Variants in ALOX5 observed in about 807,000 individuals in gnomAD.
The protein encoded by ALOX5 is arachidonate 5-lipoxygenase, also known as polyunsaturated fatty acid 5-lipoxygenase.
Under a neutral mutation model 87.9 loss-of-function variants are expected in ALOX5, and 64 were observed. The ratio of observed to expected loss-of-function variants is 0.73; its 90% CI spans 0.60 to 0.90. The LOEUF (loss-of-function observed/expected upper bound fraction) is 0.90. ALOX5 is among the 40% of genes least tolerant of loss of function. The pLI is 0.00. For missense variants in ALOX5, 822 were observed against 907.5 expected (o/e 0.91, Z 1.21); for synonymous variants, 388 against 355.1 (o/e 1.09, Z -1.04).
At chr10:45,427,475 G>C (rs1339413474) in intron 6 of ALOX5, among the ~76,000 whole-genome samples, 1 of 152,242 alleles carries the variant, frequency 6.6e-6, no homozygotes, top group African/African-American at 2.4e-5. Context: ...ACATAAAGGA[G>C]GAGGGCGGTG....
At chr10:45,389,959 C>G (rs185520021) in intron 2 of ALOX5, among the ~76,000 whole-genome samples, 4 of 152,144 alleles carry the variant, frequency 2.6e-5, no homozygotes, top group African/African-American at 9.7e-5. Flanking sequence ...ATCTCATGTG[C>G]GGAGACACAC....
Position 45,391,235 on chromosome 10 carries a change from G to A in ALOX5, c.350-4620G>A, listed in dbSNP as rs1840233892. Among the ~76,000 whole-genome samples, 4 of 152,198 alleles carry A rather than the reference G, an allele frequency of 2.6e-5. 1 individual carries two copies. The South Asian group carries it at 8.3e-4, about 32-fold the overall frequency. On this transcript the variant is annotated intron_variant, in intron 2 of 13. Coordinates refer to ENST00000374391, the MANE Select transcript of ALOX5 (RefSeq NM_000698.5). ...AGCCTGCCGAGTGCCTGCGATTGCA[G>A]GTGCGCACCGCCACGCCTGACTGTT...
At chr10:45,401,930 AC>A (rs1840711971) in intron 3 of ALOX5, among the ~76,000 whole-genome samples, 3 of 151,994 alleles carry the variant, frequency 2.0e-5, no homozygotes, top group Non-Finnish European at 4.4e-5. Context: ...ACTAAAAAAT[AC>A]AAAAAATTAG....
intron 3 of ALOX5, among the ~76,000 whole-genome samples, chr10:45,410,336 T>C (rs1353273749): frequency 1.3e-5 from 2 of 152,248 alleles, no homozygotes; most frequent in Admixed American, 1.3e-4. Flanking sequence ...GTCCACATTT[T>C]TATCCTTGTT....
rs41502051 is a variant in ALOX5 at position 45,441,250 on chromosome 10, A to T, written c.1186-94A>T. ...TCCTCCCTGCGCCCAGCATCATCCT[A>T]TAGGGCAGGCCTGGGTGGGGGAGCT... On this transcript the variant is annotated intron_variant, in intron 8 of 13. Transcript: ENST00000374391. 11 of 1,082,054 alleles carry T rather than the reference A, an allele frequency of 1.0e-5. No individual in the cohort carries two copies. The African/African-American group carries it at 1.6e-4, about 15-fold the overall frequency. The allele number at this position is 1,082,054 out of a possible 1,614,324, so 67.0% of individuals were successfully genotyped here. A position where few individuals can be genotyped will look rare whatever the true frequency, so the allele number is the denominator to read the frequency against.
intron 3 of ALOX5, among the ~76,000 whole-genome samples, chr10:45,401,348 G>GT (rs1840692370): frequency 2.0e-5 from 3 of 151,936 alleles, no homozygotes; most frequent in Non-Finnish European, 4.4e-5. Context: ...TATCTGGGTT[G>GT]TTTTTTTAAC....
At chr10:45,401,828 A>G (rs1189409763) in intron 3 of ALOX5, among the ~76,000 whole-genome samples, 1 of 152,200 alleles carries the variant, frequency 6.6e-6, no homozygotes, top group Non-Finnish European at 1.5e-5. Flanking sequence ...TTTCTCCTCA[A>G]AAATCTTTAA....
intron 4 of ALOX5, among the ~76,000 whole-genome samples, chr10:45,413,581 A>G (rs1841154033): frequency 6.6e-6 from 1 of 152,220 alleles, no homozygotes; most frequent in Non-Finnish European, 1.5e-5. Flanking sequence ...TAGTGTTGGA[A>G]GTTCTGGCCA....
intron 2 of ALOX5, among the ~76,000 whole-genome samples, chr10:45,392,877 C>A (rs771800200): frequency 3.9e-5 from 6 of 152,144 alleles, no homozygotes; most frequent in Non-Finnish European, 8.8e-5. Context: ...TTCCTCGACA[C>A]ATACACCCTC....
At chr10:45,414,905 G>C (rs1386301880) in intron 4 of ALOX5, among the ~76,000 whole-genome samples, 3 of 152,352 alleles carry the variant, frequency 2.0e-5, no homozygotes, top group South Asian at 2.1e-4. Flanking sequence ...ACACCAGTTA[G>C]AATGGCAATC....
intron 1 of ALOX5, among the ~76,000 whole-genome samples, chr10:45,377,111 TTAATA>T (rs1839643937): frequency 6.6e-6 from 1 of 152,176 alleles, no homozygotes; most frequent in Non-Finnish European, 1.5e-5. Context: ...AGCGTGGTGT[TTAATA>T]TATGATACTT....
intron 4 of ALOX5, among the ~76,000 whole-genome samples, chr10:45,420,273 TGTA>T (rs2132790816): frequency 6.6e-6 from 1 of 152,310 alleles, no homozygotes; most frequent in South Asian, 2.1e-4. Context: ...GTTTGGAAAA[TGTA>T]GGGTGGTATC....
intron 3 of ALOX5, among the ~76,000 whole-genome samples, chr10:45,407,170 A>G (rs1343382244): frequency 6.6e-6 from 1 of 152,120 alleles, no homozygotes; most frequent in Non-Finnish European, 1.5e-5. Context: ...TGACGATCTA[A>G]AAAAAGTGTG....
chr10:45,427,162 G>A (rs747549913), intron 6 of ALOX5, among the ~76,000 whole-genome samples: 26 of 152,212 alleles, frequency 1.7e-4, no homozygotes, highest in Non-Finnish European at 3.1e-4. Flanking sequence ...TGCAGGCATT[G>A]GCCCCAAATC....
chr10:45,442,902 C>T, intron 9 of ALOX5, 136 bp from the exon 10 acceptor site: 3 of 890,782 alleles, frequency 3.4e-6, no homozygotes, highest in Non-Finnish European at 5.0e-6. Flanking sequence ...AAACATCCCT[C>T]CCCCATCTCA....
At chr10:45,392,772 T>G (rs895931306) in intron 2 of ALOX5, among the ~76,000 whole-genome samples, 2 of 150,548 alleles carry the variant, frequency 1.3e-5, no homozygotes, top group Admixed American at 1.3e-4. Context: ...AAAGGGGACA[T>G]CACCACGGAT....
In ALOX5 at chr10:45,390,571, C is replaced by G. The variant is rs1426858331; in HGVS notation, c.350-5284C>G. ...ACCTCTCAACTACATGGACACTGAA[C>G]AACCTGCACCTGAATGACTACTGGG... On this transcript the variant is annotated intron_variant, in intron 2 of 13. Coordinates refer to ENST00000374391, the MANE Select transcript of ALOX5 (RefSeq NM_000698.5). Among the ~76,000 whole-genome samples, 4 of 152,204 alleles carry G rather than the reference C, an allele frequency of 2.6e-5. No individual in the cohort carries two copies. In the East Asian group the frequency reaches 7.7e-4, roughly 29 times the overall value.
At chr10:45,444,430 G>T (rs2132868353) in intron 13 of ALOX5, 144 bp downstream of exon 13, 9 of 1,175,236 alleles carry the variant, frequency 7.7e-6, no homozygotes, top group Non-Finnish European at 1.0e-5. Context: ...CCAGAAGGCT[G>T]CAGCCGCCAC....
intron 6 of ALOX5, among the ~76,000 whole-genome samples, chr10:45,426,370 G>C (rs1156564534): frequency 6.6e-6 from 1 of 152,168 alleles, no homozygotes; most frequent in African/African-American, 2.4e-5. Flanking sequence ...CCTTTGAGCT[G>C]ACCCACCCCT....
Sources: allele counts gnomAD v4.1 joint callset (sites outside exome capture counted in the v4.1 genomes callset), GRCh38; gene constraint gnomAD v4.1.1; transcripts MANE v1.5; gene names NCBI Gene and HGNC (gene_info 2026-07-23, HGNC 2026-07-21).